The following RBFOX1 variants were observed in gnomAD, a reference collection of about 807,000 sequenced individuals.
RBFOX1 encodes RNA binding fox-1 homolog 1.
RBFOX1 carries 8 observed loss-of-function variants against 57.7 expected under a neutral mutation model. The observed-to-expected ratio is 0.14, with a 90% CI of 0.08 to 0.25. The LOEUF (loss-of-function observed/expected upper bound fraction) is 0.25. RBFOX1 is among the 10% of genes least tolerant of loss of function. The probability of loss-of-function intolerance (pLI) is 1.00; values close to 1 mark genes in which losing one functional copy is unlikely to be tolerated. For synonymous variants in RBFOX1, 326 were observed against 222.4 expected, an observed-to-expected ratio of 1.47 and a Z score of -4.15; for missense variants, 611 against 548.5, an observed-to-expected ratio of 1.11 and a Z score of -1.14.
At position 5,815,320 on chromosome 16, in the gene RBFOX1, C is replaced by T. The variant is rs891904074; in HGVS notation, c.319-51983C>T. On this transcript the variant is annotated intron_variant, in intron 3 of 19. Coordinates refer to the RBFOX1 transcript ENST00000641259. Reference sequence around the variant, plus strand: ...GATTTCCTTTCCAATGTCTTGATCACATGTGGGTCTCCTTTAAATTCCCTT... The same window carrying T: ...GATTTCCTTTCCAATGTCTTGATCATATGTGGGTCTCCTTTAAATTCCCTT... 3.9e-5 allele frequency among the ~76,000 whole-genome samples: 6 copies of T among 152,112 alleles called. No homozygotes were observed. In the South Asian group the frequency reaches 6.2e-4, roughly 16 times the overall value.
intron 10 of RBFOX1, among the ~76,000 whole-genome samples, chr16:7,615,987 G>A (rs1467234882): frequency 6.6e-6 from 1 of 152,152 alleles, no homozygotes; most frequent in Non-Finnish European, 1.5e-5. Flanking sequence ...GTCATCAATG[G>A]CAGTCAAAGA....
At chr16:7,224,013 T>G (rs754637615) in intron 4 of RBFOX1, among the ~76,000 whole-genome samples, 27 of 151,430 alleles carry the variant, frequency 1.8e-4, no homozygotes, top group Non-Finnish European at 3.5e-4. Flanking sequence ...GTAAAGTACA[T>G]ATTATTTATG....
intron 14 of RBFOX1, among the ~76,000 whole-genome samples, chr16:7,692,967 G>A (rs976592638): frequency 4.6e-5 from 7 of 151,586 alleles, no homozygotes; most frequent in African/African-American, 1.7e-4. Flanking sequence ...TTAATCATTA[G>A]TCCCATTTTA....
chr16:6,400,426 G>T (rs1377554758), intron 2 of RBFOX1, among the ~76,000 whole-genome samples: 1 of 152,116 alleles, frequency 6.6e-6, no homozygotes, highest in Non-Finnish European at 1.5e-5. Context: ...AAGGCTTATG[G>T]GATCCGGCTA....
chr16:5,847,928 A>G (rs1430710717), intron 3 of RBFOX1, among the ~76,000 whole-genome samples: 1 of 152,160 alleles, frequency 6.6e-6, no homozygotes, highest in Non-Finnish European at 1.5e-5. Flanking sequence ...ATACAGGAAT[A>G]AATAAGGCAT....
intron 2 of RBFOX1, among the ~76,000 whole-genome samples, chr16:5,532,912 T>C (rs1029269358): frequency 6.6e-6 from 1 of 152,112 alleles, no homozygotes; most frequent in Non-Finnish European, 1.5e-5. Context: ...TGGCCTAGGG[T>C]GGAGATCTCA....
intron 4 of RBFOX1, among the ~76,000 whole-genome samples, chr16:7,239,981 A>T (rs992050739): frequency 6.6e-6 from 1 of 152,110 alleles, no homozygotes; most frequent in South Asian, 2.1e-4. Flanking sequence ...GGTGACGATT[A>T]TTTGAGACTG....
At chr16:6,462,748 G>A (rs140466446) in intron 2 of RBFOX1, among the ~76,000 whole-genome samples, 1,427 of 137,542 alleles carry the variant, frequency 0.01, 23 homozygotes, top group African/African-American at 0.036. Context: ...TCTTCCCGAC[G>A]CTATAAACTA....
At chr16:7,352,320 C>T (rs186776847) in intron 4 of RBFOX1, among the ~76,000 whole-genome samples, 189 of 152,300 alleles carry the variant, frequency 1.2e-3, no homozygotes, top group South Asian at 4.1e-3. Context: ...TGTCCTTCCA[C>T]TCTGGGCCTG....
At chr16:6,060,047 T>C (rs1157108851) in intron 1 of RBFOX1, among the ~76,000 whole-genome samples, 1 of 151,492 alleles carries the variant, frequency 6.6e-6, no homozygotes, top group Non-Finnish European at 1.5e-5. Context: ...GTTTGTTGTC[T>C]TGGAAACAAA....
intron 10 of RBFOX1, among the ~76,000 whole-genome samples, chr16:7,627,937 A>G (rs1399245483): frequency 6.6e-6 from 1 of 151,946 alleles, no homozygotes; most frequent in Non-Finnish European, 1.5e-5. Flanking sequence ...TTAACTACGA[A>G]GAAAGTATCC....
intron 1 of RBFOX1, among the ~76,000 whole-genome samples, chr16:6,113,522 T>C (rs994503926): frequency 1.4e-4 from 22 of 152,304 alleles, no homozygotes; most frequent in Admixed American, 2.6e-4. Context: ...GTGGGCATGA[T>C]GAGATGGCCA....
chr16:6,311,368 C>T (rs920757098), intron 1 of RBFOX1, among the ~76,000 whole-genome samples: 49 of 145,814 alleles, frequency 3.4e-4, no homozygotes, highest in Non-Finnish European at 1.1e-4. Context: ...GCTCACTCAA[C>T]AAATATAAAG....
At chr16:7,564,951 G>A (rs541995245) in intron 5 of RBFOX1, among the ~76,000 whole-genome samples, 1 of 152,280 alleles carries the variant, frequency 6.6e-6, no homozygotes, top group East Asian at 1.9e-4. Context: ...TTAAATCTGT[G>A]TCACCTGGCC....
chr16:5,881,841 A>G (rs1331489962), intron 4 of RBFOX1, among the ~76,000 whole-genome samples: 1 of 152,216 alleles, frequency 6.6e-6, no homozygotes, highest in African/African-American at 2.4e-5. Flanking sequence ...GATGGTTAAC[A>G]TTTATAAATA....
chr16:6,715,849 C>T (rs1373205790), intron 3 of RBFOX1, among the ~76,000 whole-genome samples: 1 of 152,170 alleles, frequency 6.6e-6, no homozygotes, highest in Non-Finnish European at 1.5e-5. Flanking sequence ...CCAATACTGT[C>T]TGGGTTTCTT....
intron 2 of RBFOX1, among the ~76,000 whole-genome samples, chr16:6,618,716 A>C (rs557767241): frequency 6.6e-6 from 1 of 152,210 alleles, no homozygotes; most frequent in Non-Finnish European, 1.5e-5. Flanking sequence ...AAGCATTTCA[A>C]AAGCCCTCAC....
At chr16:7,673,520 A>G (rs1236888648) in intron 13 of RBFOX1, among the ~76,000 whole-genome samples, 1 of 152,180 alleles carries the variant, frequency 6.6e-6, no homozygotes, top group Non-Finnish European at 1.5e-5. Context: ...CAGCCTAGGC[A>G]ACATAGTGAG....
chr16:5,716,867 C>G (rs1429510937), intron 3 of RBFOX1, among the ~76,000 whole-genome samples: 1 of 152,246 alleles, frequency 6.6e-6, no homozygotes, highest in Non-Finnish European at 1.5e-5. Flanking sequence ...ACCCAGGACT[C>G]TGCCCCTAAA....
Sources: allele counts gnomAD v4.1 joint callset (sites outside exome capture counted in the v4.1 genomes callset), GRCh38; gene constraint gnomAD v4.1.1; transcripts MANE v1.5; gene names NCBI Gene and HGNC (gene_info 2026-07-23, HGNC 2026-07-21).